The following GRID1 variants were observed in gnomAD, a reference collection of about 807,000 sequenced individuals.
The protein encoded by GRID1 is glutamate ionotropic receptor delta type subunit 1.
Under a neutral mutation model 98.0 loss-of-function variants are expected in GRID1, and 28 were observed. That is an observed-to-expected ratio of 0.29 (90% confidence interval 0.21 to 0.39). The LOEUF (loss-of-function observed/expected upper bound fraction) is 0.39. Among genes scored for constraint, GRID1 ranks in the 10% least tolerant of loss-of-function variants. The pLI, the probability that GRID1 is intolerant of heterozygous loss-of-function variation, is 1.00. For synonymous variants in GRID1, 553 were observed against 538.5 expected (o/e 1.03, Z -0.37); for missense variants, 1,111 against 1,340.5 (o/e 0.83, Z 2.67).
intron 3 of GRID1, among the ~76,000 whole-genome samples, chr10:86,178,184 T>C (rs754398664): frequency 6.6e-6 from 1 of 152,214 alleles, no homozygotes; most frequent in Non-Finnish European, 1.5e-5. Flanking sequence ...AGTGGCCAAC[T>C]CACCAGAAAC....
At chr10:86,333,001 C>A (rs1848170161) in intron 2 of GRID1, among the ~76,000 whole-genome samples, 1 of 152,210 alleles carries the variant, frequency 6.6e-6, no homozygotes, top group South Asian at 2.1e-4. Context: ...CATCACATCA[C>A]CCCCAGCTTC....
intron 4 of GRID1, among the ~76,000 whole-genome samples, chr10:86,097,621 A>G (rs1293773664): frequency 6.6e-6 from 1 of 152,106 alleles, no homozygotes; most frequent in Non-Finnish European, 1.5e-5. Context: ...TACAAACTCA[A>G]ATAGAAAAAT....
chr10:85,691,755 T>C (rs1045778731), intron 12 of GRID1, among the ~76,000 whole-genome samples: 1 of 152,190 alleles, frequency 6.6e-6, no homozygotes, highest in African/African-American at 2.4e-5. Flanking sequence ...CCCTCATTTT[T>C]AAAATGTGAA....
chr10:85,842,726 C>A (rs1265768966), intron 8 of GRID1, among the ~76,000 whole-genome samples: 1 of 151,954 alleles, frequency 6.6e-6, no homozygotes, highest in African/African-American at 2.4e-5. Flanking sequence ...ATCCCAATAA[C>A]CGTTAGAGAA....
At chr10:85,768,169 A>G (rs1448484342) in intron 8 of GRID1, among the ~76,000 whole-genome samples, 4 of 152,216 alleles carry the variant, frequency 2.6e-5, no homozygotes, top group Non-Finnish European at 4.4e-5. Context: ...GGAAGTGTGG[A>G]AAATATGAAG....
intron 3 of GRID1, among the ~76,000 whole-genome samples, chr10:86,143,437 C>T (rs1845038261): frequency 1.3e-5 from 2 of 151,996 alleles, no homozygotes; most frequent in South Asian, 2.1e-4. Context: ...ACAGAGAGAA[C>T]TCCCCAAGCA....
intron 8 of GRID1, among the ~76,000 whole-genome samples, chr10:85,767,198 C>T (rs553887501): frequency 1.3e-5 from 2 of 152,316 alleles, no homozygotes; most frequent in Admixed American, 6.5e-5. Context: ...TCCCTTTTTA[C>T]TTTGACCGCT....
chr10:86,031,761 C>T (rs139609090), intron 4 of GRID1, among the ~76,000 whole-genome samples: 1 of 152,230 alleles, frequency 6.6e-6, no homozygotes, highest in African/African-American at 2.4e-5. Context: ...TAACAGCTTC[C>T]ATCTTAAAGT....
At chr10:86,347,071 C>T (rs1848394792) in intron 2 of GRID1, among the ~76,000 whole-genome samples, 1 of 151,702 alleles carries the variant, frequency 6.6e-6, no homozygotes, top group East Asian at 1.9e-4. Context: ...CAGCCCCACC[C>T]TCCTGCCCTG....
intron 8 of GRID1, among the ~76,000 whole-genome samples, chr10:85,801,810 A>G (rs904996431): frequency 2.6e-5 from 4 of 151,862 alleles, no homozygotes; most frequent in African/African-American, 7.2e-5. Flanking sequence ...AATTATAGGG[A>G]AAAAAACCTA....
chr10:85,657,944 G>A lies in GRID1; in HGVS notation c.1998-10547C>T, dbSNP rs545005141. ...GCAGGACCTGCATGCCAAGAACATG[G>A]CTAGCTCTCAGCTCTCAACACCCGC... On this transcript the variant is annotated intron_variant, in intron 12 of 15. Transcript: ENST00000327946. 2.0e-4 allele frequency among the ~76,000 whole-genome samples: 30 copies of A among 152,290 alleles called. No individual in the cohort carries two copies. The South Asian group carries it at 5.6e-3, about 28-fold the overall frequency.
chr10:85,805,456 CA>C (rs1478113789), intron 8 of GRID1, among the ~76,000 whole-genome samples: 1 of 151,632 alleles, frequency 6.6e-6, no homozygotes, highest in Non-Finnish European at 1.5e-5. Context: ...CAATCCCCCC[CA>C]AAAAATCCCA....
chr10:85,969,909 A>C (rs1326989249), intron 4 of GRID1, among the ~76,000 whole-genome samples: 1 of 151,992 alleles, frequency 6.6e-6, no homozygotes, highest in Non-Finnish European at 1.5e-5. Flanking sequence ...CAAAGAGTTG[A>C]TTTTTTTCAA....
chr10:86,078,510 T>A, intron 4 of GRID1, among the ~76,000 whole-genome samples: 1 of 152,200 alleles, frequency 6.6e-6, no homozygotes. Context: ...CACACTCTCA[T>A]CTCTCTGTCA....
At chr10:86,209,908 C>T (rs1047328568) in intron 2 of GRID1, among the ~76,000 whole-genome samples, 2 of 152,190 alleles carry the variant, frequency 1.3e-5, no homozygotes, top group South Asian at 4.1e-4. Context: ...TCAGTTTCCC[C>T]ATCTGGGCAT....
intron 4 of GRID1, among the ~76,000 whole-genome samples, chr10:86,035,312 G>T (rs902149010): frequency 6.6e-6 from 1 of 152,180 alleles, no homozygotes; most frequent in South Asian, 2.1e-4. Context: ...TTCCTTAGTC[G>T]TGCTGAATTA....
intron 8 of GRID1, 53 bp from the exon 9 acceptor site, chr10:85,729,667 C>T: frequency 9.0e-7 from 1 of 1,111,210 alleles, no homozygotes. Context: ...CCGTGCACAC[C>T]ATAGGACCTC....
At chr10:86,301,501 G>A (rs555538298) in intron 2 of GRID1, among the ~76,000 whole-genome samples, 25 of 152,316 alleles carry the variant, frequency 1.6e-4, no homozygotes, top group African/African-American at 6.0e-4. Flanking sequence ...TCTTTAAAGG[G>A]GGAGCAGACA....
At chr10:86,354,705 C>T (rs1213059344) in intron 2 of GRID1, among the ~76,000 whole-genome samples, 1 of 152,242 alleles carries the variant, frequency 6.6e-6, no homozygotes, top group Non-Finnish European at 1.5e-5. Flanking sequence ...GGTAGGCCTG[C>T]CCTATGGCCA....
Sources: allele counts gnomAD v4.1 joint callset (sites outside exome capture counted in the v4.1 genomes callset), GRCh38; gene constraint gnomAD v4.1.1; transcripts MANE v1.5; gene names NCBI Gene and HGNC (gene_info 2026-07-23, HGNC 2026-07-21).